SPTAN1: variants seen among roughly 807,000 people sequenced by gnomAD.
The protein encoded by SPTAN1 is spectrin alpha, non-erythrocytic 1, also known as spectrin alpha chain, non-erythrocytic 1.
SPTAN1 carries 61 observed loss-of-function variants against 331.3 expected under a neutral mutation model. The observed-to-expected ratio is 0.18, with a 90% CI of 0.15 to 0.23. SPTAN1 has a LOEUF of 0.23. Among genes scored for constraint, SPTAN1 ranks in the 10% least tolerant of loss-of-function variants. The probability of loss-of-function intolerance (pLI) is 1.00; values close to 1 mark genes in which losing one functional copy is unlikely to be tolerated. For synonymous variants in SPTAN1, 1,153 were observed against 1,173.9 expected (o/e 0.98, Z 0.36); for missense variants, 2,043 against 3,147.9 (o/e 0.65, Z 8.40).
In SPTAN1 at chr9:128,605,289, C is replaced by T. The variant is rs1248978165; in HGVS notation, c.3865-7C>T. 1.9e-6 allele frequency: 3 copies of T among 1,614,164 alleles called. No homozygotes were observed. In the Admixed American group the frequency reaches 5.0e-5, roughly 27 times the overall value. On this transcript the variant is annotated splice_region_variant and splice_polypyrimidine_tract_variant and intron_variant, in intron 30 of 56. Transcript: ENST00000372739. ...CTGCAAGCTCATTCACCACTTTCTTCCCATAGGTAAACTCCCTTGGTGAAA... is the reference window on the plus strand; with the variant it reads ...CTGCAAGCTCATTCACCACTTTCTTTCCATAGGTAAACTCCCTTGGTGAAA...
Position 128,632,823 on chromosome 9 carries a change from C to G in SPTAN1, c.7176C>G (p.Ser2392=). 6.2e-7 allele frequency: 1 copy of G among 1,614,104 alleles called. No individual in the cohort carries two copies. Among genetic ancestry groups the G allele is most frequent in the Non-Finnish European group, 8.5e-7 (1 of 1,180,034 alleles). The change falls in exon 56 of 57, where the codon TCC becomes TCG. Residue 2392 remains serine (S), a synonymous_variant. Coordinates refer to ENST00000372739, the MANE Select transcript of SPTAN1 (RefSeq NM_001130438.3). ...TVDPNRDGHV[S]LQEYMAFMIS... is the part of the protein sequence containing the mutation. ...CCGCTCCTAGAGATGGCCATGTCTC[C>G]TTGCAAGAATACATGGCTTTCATGA...
intron 28 of SPTAN1, among the ~76,000 whole-genome samples, chr9:128,604,107 A>G (rs756673120): frequency 7.2e-5 from 11 of 152,242 alleles, no homozygotes; most frequent in Non-Finnish European, 1.0e-4. Flanking sequence ...GAGGATGCCT[A>G]GGTCAGGTGT....
intron 23 of SPTAN1, 51 bp downstream of exon 23, chr9:128,593,093 C>T: frequency 6.4e-7 from 1 of 1,560,182 alleles, no homozygotes; most frequent in Non-Finnish European, 8.7e-7. Flanking sequence ...GCTACCCTAT[C>T]CATTCTCCCT....
At chr9:128,580,835 T>G in intron 10 of SPTAN1, 87 bp from the exon 11 acceptor site, 1 of 1,586,110 alleles carries the variant, frequency 6.3e-7, no homozygotes, top group Non-Finnish European at 8.6e-7. Flanking sequence ...AGCACTAGGA[T>G]TAGGAATTCC....
intron 38 of SPTAN1, 59 bp from the exon 39 acceptor site, chr9:128,612,050 T>C: frequency 6.2e-7 from 1 of 1,613,794 alleles, no homozygotes; most frequent in Non-Finnish European, 8.5e-7. Flanking sequence ...AATTGAGCTT[T>C]AGGAGAGGGA....
At position 128,616,403 on chromosome 9, in the gene SPTAN1, G is replaced by T. The variant is rs181578150; in HGVS notation, c.5357+563G>T. On this transcript the variant is annotated intron_variant, in intron 41 of 56. Transcript: ENST00000372739. ...GCCTCCCAAAGTGCTGTGATCACAG[G>T]CATGAGCCACTGCGCCTGGTCGGAA... 3.0e-4 allele frequency among the ~76,000 whole-genome samples: 45 copies of T among 151,536 alleles called. No individual in the cohort carries two copies. In the East Asian group the frequency reaches 8.8e-3, roughly 29 times the overall value.
chr9:128,604,707 A>C (rs1390605816), intron 29 of SPTAN1, among the ~76,000 whole-genome samples: 1 of 152,130 alleles, frequency 6.6e-6, no homozygotes, highest in Non-Finnish European at 1.5e-5. Context: ...CAAGGCAGGC[A>C]GATCACCTGA....
chr9:128,607,544 G>T (rs1856050465), intron 31 of SPTAN1, 60 bp from the exon 32 acceptor site: 1 of 1,392,008 alleles, frequency 7.2e-7, no homozygotes, highest in Admixed American at 1.7e-5. Flanking sequence ...TGTTTTCCTG[G>T]GCAGAAGATC....
intron 31 of SPTAN1, 56 bp downstream of exon 31, chr9:128,605,533 C>T (rs183467947): frequency 6.2e-7 from 1 of 1,602,604 alleles, no homozygotes; most frequent in African/African-American, 1.3e-5. Context: ...TTGTAGGGGT[C>T]ATTTTTATTG....
intron 27 of SPTAN1, among the ~76,000 whole-genome samples, chr9:128,601,965 TC>T (rs1317740269): frequency 1.4e-4 from 22 of 152,206 alleles, no homozygotes; most frequent in African/African-American, 5.3e-4. Flanking sequence ...CAAAACTTGG[TC>T]ATTGATGATA....
chr9:128,578,078 G>A (rs1448381169), intron 8 of SPTAN1, 32 bp from the exon 9 acceptor site: 9 of 1,613,768 alleles, frequency 5.6e-6, no homozygotes, highest in East Asian at 2.2e-5. Context: ...ACCTCCGCTG[G>A]AAACATAATG....
rs1856785876 is a variant in SPTAN1 at position 128,613,419 on chromosome 9, C to T, written c.5082C>T (p.Asp1694=). The T allele has an allele frequency of 1.9e-6, 3 of 1,614,254 alleles. No individual in the cohort carries two copies. The highest frequency in any genetic ancestry group is 1.7e-6 in the Non-Finnish European group (2 of 1,180,048). The change falls in exon 40 of 57, where the codon GAC becomes GAT. Residue 1694 remains aspartate, a synonymous_variant. Transcript: ENST00000372739. The part of the protein sequence containing the change: ...ALLASEDYGK[D]LASVNNLLKK... ...TGGCATCCGAAGATTATGGCAAAGA[C>T]CTAGCTTCTGTGAACAACCTGCTGA...
intron 10 of SPTAN1, among the ~76,000 whole-genome samples, chr9:128,580,655 C>G (rs932459615): frequency 5.9e-5 from 9 of 152,110 alleles, no homozygotes; most frequent in African/African-American, 2.2e-4. Context: ...TGCCCTATTT[C>G]TTCTACCTGG....
chr9:128,568,813 G>A lies in SPTAN1; in HGVS notation c.279G>A (p.Gln93=), dbSNP rs1238640716. ...QKHQAFEAEV[Q]ANSGAIVKLD... ...ATCAAGCATTTGAAGCTGAAGTGCA[G>A]GCCAACTCAGGAGCCATTGTTAAGC... Residue 93 remains glutamine (Q), a synonymous_variant, in exon 3 of 57, where the codon CAG becomes CAA. Coordinates refer to ENST00000372739, the MANE Select transcript of SPTAN1 (RefSeq NM_001130438.3). 6 of 1,614,116 alleles carry A rather than the reference G, an allele frequency of 3.7e-6. No homozygotes were observed. Among genetic ancestry groups the A allele is most frequent in the South Asian group, 2.2e-5 (2 of 91,076 alleles).
In SPTAN1 at chr9:128,582,813, T is replaced by G. The variant is rs781048881; in HGVS notation, c.1770T>G (p.Asn590Lys). ...CTGATGAGCTCAAGAGTTGGGTCAATGAGAAGATGAAAACTGCCACAGATG... is the reference window on the plus strand; with the variant it reads ...CTGATGAGCTCAAGAGTTGGGTCAAGGAGAAGATGAAAACTGCCACAGATG... ...RDSDELKSWV[N>K]EKMKTATDEA... Residue 590 changes from asparagine to lysine, a missense_variant, in exon 14 of 57, where the codon AAT becomes AAG. Transcript: ENST00000372739. The G allele has an allele frequency of 1.7e-5, 27 of 1,613,564 alleles. No individual in the cohort carries two copies. The highest frequency in any genetic ancestry group is 2.2e-5 in the Non-Finnish European group (26 of 1,180,040).
intron 1 of SPTAN1, among the ~76,000 whole-genome samples, chr9:128,556,521 G>A (rs958109110): frequency 1.3e-5 from 2 of 152,172 alleles, no homozygotes; most frequent in South Asian, 4.1e-4. Context: ...AATTTTGCAG[G>A]TTAAAAGGTA....
At chr9:128,618,190 TG>T in intron 43 of SPTAN1, 82 bp downstream of exon 43, 1 of 1,588,472 alleles carries the variant, frequency 6.3e-7, no homozygotes, top group South Asian at 1.1e-5. Flanking sequence ...GGGGGTCCAG[TG>T]GGCCCTCCTA....
At chr9:128,587,393 G>C (rs1427091978) in intron 19 of SPTAN1, among the ~76,000 whole-genome samples, 1 of 152,188 alleles carries the variant, frequency 6.6e-6, no homozygotes, top group Admixed American at 6.5e-5. Context: ...ACCAGGATGA[G>C]TAAGCTATAA....
intron 24 of SPTAN1, chr9:128,596,272 TTTTGTTTG>T (rs529492181): frequency 6.6e-6 from 1 of 152,074 alleles, no homozygotes; most frequent in African/African-American, 2.4e-5. Context: ...TGTTCGTTTT[TTTTGTTTG>T]TTTGTTTGTT....
Sources: allele counts gnomAD v4.1 joint callset (sites outside exome capture counted in the v4.1 genomes callset), GRCh38; gene constraint gnomAD v4.1.1; transcripts MANE v1.5; gene names NCBI Gene and HGNC (gene_info 2026-07-23, HGNC 2026-07-21).